Variants in RBFOX1 observed in about 807,000 individuals in gnomAD.
RBFOX1 encodes the protein RNA binding protein fox-1 homolog 1.
RBFOX1 carries 8 observed loss-of-function variants against 57.7 expected under a neutral mutation model. That is an observed-to-expected ratio of 0.14 (90% CI 0.08 to 0.25). The LOEUF is 0.25. Ranked by LOEUF, RBFOX1 falls within the 10% of genes least tolerant of loss-of-function variation. The pLI, the probability that RBFOX1 is intolerant of heterozygous loss-of-function variation, is 1.00. For synonymous variants in RBFOX1, 326 were observed against 222.4 expected (o/e 1.47, Z -4.15); for missense variants, 611 against 548.5 (o/e 1.11, Z -1.14).
intron 3 of RBFOX1, among the ~76,000 whole-genome samples, chr16:6,756,304 C>T (rs182357462): frequency 5.9e-5 from 9 of 152,184 alleles, no homozygotes; most frequent in African/African-American, 2.2e-4. Flanking sequence ...CTATTTCTTA[C>T]CGTATACAAA....
intron 2 of RBFOX1, among the ~76,000 whole-genome samples, chr16:6,495,080 T>G (rs1312024865): frequency 6.6e-6 from 1 of 152,186 alleles, no homozygotes; most frequent in Non-Finnish European, 1.5e-5. Context: ...ACCCCGCATT[T>G]TAACCACTAA....
chr16:6,556,136 A>T (rs1189878635), intron 2 of RBFOX1, among the ~76,000 whole-genome samples: 1 of 152,236 alleles, frequency 6.6e-6, no homozygotes, highest in African/African-American at 2.4e-5. Context: ...ATCATGATTC[A>T]TAAAAGACCA....
At chr16:7,399,923 C>G (rs1405763078) in intron 4 of RBFOX1, among the ~76,000 whole-genome samples, 3 of 152,150 alleles carry the variant, frequency 2.0e-5, no homozygotes, top group African/African-American at 4.8e-5. Flanking sequence ...CAACACAAAG[C>G]TAACACTTTT....
chr16:7,139,411 C>T (rs1306705327), intron 4 of RBFOX1, among the ~76,000 whole-genome samples: 1 of 152,068 alleles, frequency 6.6e-6, no homozygotes, highest in South Asian at 2.1e-4. Context: ...CCTTTTCCTT[C>T]TTGAGTTCAG....
chr16:7,324,504 A>T (rs939378161), intron 4 of RBFOX1, among the ~76,000 whole-genome samples: 2 of 152,198 alleles, frequency 1.3e-5, no homozygotes, highest in African/African-American at 4.8e-5. Context: ...CAAATTCTCA[A>T]ACCCAGTTGT....
At chr16:6,266,147 C>T (rs914319024) in intron 1 of RBFOX1, among the ~76,000 whole-genome samples, 5 of 152,162 alleles carry the variant, frequency 3.3e-5, no homozygotes, top group Admixed American at 2.0e-4. Flanking sequence ...TTATTCTCTT[C>T]TCCCACTGTG....
intron 4 of RBFOX1, among the ~76,000 whole-genome samples, chr16:7,417,233 C>T (rs893581034): frequency 6.6e-5 from 10 of 151,652 alleles, no homozygotes; most frequent in African/African-American, 1.9e-4. Context: ...ACTGGCTGGG[C>T]GTGGTGGTGT....
intron 4 of RBFOX1, among the ~76,000 whole-genome samples, chr16:7,393,375 T>C (rs2098078966): frequency 6.6e-6 from 1 of 152,202 alleles, no homozygotes; most frequent in South Asian, 2.1e-4. Context: ...CCACAAGTTT[T>C]CTTTGGTATC....
chr16:7,604,898 C>T (rs2095223120), intron 9 of RBFOX1, among the ~76,000 whole-genome samples: 1 of 152,134 alleles, frequency 6.6e-6, no homozygotes, highest in African/African-American at 2.4e-5. Context: ...ATGGGAAAGA[C>T]ACCATCTCCA....
chr16:5,581,876 G>A (rs1310004048), intron 2 of RBFOX1, among the ~76,000 whole-genome samples: 1 of 152,198 alleles, frequency 6.6e-6, no homozygotes, highest in African/African-American at 2.4e-5. Context: ...CTGAGAGGTA[G>A]GAAGTGATGC....
intron 2 of RBFOX1, among the ~76,000 whole-genome samples, chr16:6,380,396 GGATTTTTTTTTTTTTT>G (rs2091675834): frequency 8.1e-6 from 1 of 122,734 alleles, no homozygotes; most frequent in African/African-American, 2.9e-5. Context: ...TGAATGGTGG[GGATTTTTTTTTTTTTT>G]TTTTTTTTTT....
intron 4 of RBFOX1, among the ~76,000 whole-genome samples, chr16:7,135,256 A>G (rs2071598671): frequency 6.6e-6 from 1 of 152,118 alleles, no homozygotes; most frequent in Admixed American, 6.6e-5. Flanking sequence ...TTGCTGTTGG[A>G]TTAAAGCAAC....
At chr16:7,220,790 G>T (rs1427001790) in intron 4 of RBFOX1, among the ~76,000 whole-genome samples, 4 of 152,128 alleles carry the variant, frequency 2.6e-5, no homozygotes, top group Admixed American at 2.6e-4. Flanking sequence ...CGTACAATCA[G>T]CATTTTAAAT....
intron 1 of RBFOX1, among the ~76,000 whole-genome samples, chr16:5,416,957 G>A (rs983371001): frequency 6.6e-6 from 1 of 152,148 alleles, no homozygotes; most frequent in South Asian, 2.1e-4. Flanking sequence ...ACAGGGCACA[G>A]CAATGAAAAG....
intron 3 of RBFOX1, among the ~76,000 whole-genome samples, chr16:7,012,580 T>A (rs1047007804): frequency 6.6e-6 from 1 of 152,172 alleles, no homozygotes; most frequent in Non-Finnish European, 1.5e-5. Flanking sequence ...ACAGTGTGAT[T>A]TTTAAATGCT....
At chr16:7,163,636 A>C (rs2078852129) in intron 4 of RBFOX1, among the ~76,000 whole-genome samples, 1 of 151,392 alleles carries the variant, frequency 6.6e-6, no homozygotes, top group Non-Finnish European at 1.5e-5. Context: ...AGTTTTATTT[A>C]TGTGTTTTTC....
At chr16:6,057,533 G>T (rs1489956266) in intron 1 of RBFOX1, among the ~76,000 whole-genome samples, 2 of 151,960 alleles carry the variant, frequency 1.3e-5, no homozygotes, top group African/African-American at 2.4e-5. Context: ...AACACGACAG[G>T]CTTGGTCTCT....
At chr16:7,521,088 A>G (rs894116726) in intron 5 of RBFOX1, among the ~76,000 whole-genome samples, 6 of 82,258 alleles carry the variant, frequency 7.3e-5, no homozygotes, top group Admixed American at 5.0e-4. Context: ...CAGAGGTGCT[A>G]CCTGCAAACG....
intron 3 of RBFOX1, among the ~76,000 whole-genome samples, chr16:7,033,773 G>T (rs554258691): frequency 6.6e-6 from 1 of 152,206 alleles, no homozygotes; most frequent in South Asian, 2.1e-4. Flanking sequence ...CTGGGGACCA[G>T]CCTGAGTAAC....
Sources: gnomAD v4.1 joint callset for allele counts (sites outside exome capture counted in the v4.1 genomes callset) on GRCh38, gnomAD v4.1.1 for gene constraint, MANE v1.5 for transcripts, NCBI Gene and HGNC (gene_info 2026-07-23, HGNC 2026-07-21) for gene names.